The following UBR1 variants were observed in gnomAD, a reference collection of about 807,000 sequenced individuals.
UBR1 encodes the protein E3 ubiquitin-protein ligase UBR1.
In UBR1, 102 loss-of-function variants were observed where a neutral mutation model predicts 242.1. The ratio of observed to expected loss-of-function variants is 0.42; its 90% CI spans 0.36 to 0.50. The LOEUF is 0.50. Among genes scored for constraint, UBR1 ranks in the 20% least tolerant of loss-of-function variants. UBR1 has a pLI of 0.01. For missense variants in UBR1, 1,772 were observed against 2,101.8 expected, an observed-to-expected ratio of 0.84 and a Z score of 3.07; for synonymous variants, 675 against 684.8, an observed-to-expected ratio of 0.99 and a Z score of 0.22.
intron 2 of UBR1, among the ~76,000 whole-genome samples, chr15:43,083,999 A>AGC (rs1334291513): frequency 6.6e-6 from 1 of 152,078 alleles, no homozygotes; most frequent in Non-Finnish European, 1.5e-5. Flanking sequence ...GAGCTGAGAT[A>AGC]GCGCCACTGT....
chr15:43,085,938 A>G lies in UBR1; in HGVS notation c.338+46T>C, dbSNP rs937720479. On this transcript the variant is annotated intron_variant, in intron 2 of 46. Transcript: ENST00000290650. Reference sequence around the variant, plus strand: ...TCTGTTTCAAAAAAAAAAAAAAAAAAGGATTTTAATAATTATAATCAATCC... The same window carrying G: ...TCTGTTTCAAAAAAAAAAAAAAAAAGGGATTTTAATAATTATAATCAATCC... 4 of 1,519,106 alleles carry G rather than the reference A, an allele frequency of 2.6e-6. No individual in the cohort carries two copies. The Admixed American group carries it at 5.9e-5, about 22-fold the overall frequency. 94.1% of individuals were successfully genotyped at this position (1,519,106 alleles called of 1,614,324 possible).
chr15:43,062,875 T>C (rs2033705553), intron 6 of UBR1, among the ~76,000 whole-genome samples: 1 of 152,146 alleles, frequency 6.6e-6, no homozygotes, highest in Non-Finnish European at 1.5e-5. Context: ...TCTGATTTCC[T>C]AGGCTTGGGC....
At chr15:43,019,652 G>C (rs1397412765) in intron 27 of UBR1, among the ~76,000 whole-genome samples, 2 of 145,774 alleles carry the variant, frequency 1.4e-5, no homozygotes, top group Admixed American at 7.0e-5. Flanking sequence ...GTGCGATCTC[G>C]GCTCACTGCA....
chr15:43,059,588 CAA>C (rs36021315), intron 8 of UBR1, 112 bp downstream of exon 8: 114,509 of 972,506 alleles, frequency 0.12, no homozygotes, highest in Non-Finnish European at 0.13. Context: ...GTGTATAAAC[CAA>C]AAAAAAAAAA....
intron 30 of UBR1, among the ~76,000 whole-genome samples, chr15:43,006,257 T>C (rs528160217): frequency 2.0e-4 from 31 of 152,310 alleles, no homozygotes; most frequent in African/African-American, 7.2e-4. Flanking sequence ...AACTAACTCA[T>C]AGGGCTGTTG....
intron 3 of UBR1, 54 bp downstream of exon 3, chr15:43,082,584 C>A: frequency 7.1e-7 from 1 of 1,412,562 alleles, no homozygotes. Flanking sequence ...AGAATTTGGA[C>A]TAGATGGCCA....
At chr15:42,970,231 C>T (rs2032181492) in intron 40 of UBR1, among the ~76,000 whole-genome samples, 1 of 152,098 alleles carries the variant, frequency 6.6e-6, no homozygotes, top group Admixed American at 6.5e-5. Flanking sequence ...CTGACAAAAA[C>T]AAGCAATGGG....
intron 37 of UBR1, among the ~76,000 whole-genome samples, chr15:42,981,512 T>C (rs967958931): frequency 2.6e-5 from 4 of 152,080 alleles, no homozygotes; most frequent in African/African-American, 9.7e-5. Context: ...TTTTTTGAGA[T>C]GGAATCTCGC....
chr15:43,047,734 G>C (rs1297896808), intron 13 of UBR1, among the ~76,000 whole-genome samples: 1 of 152,120 alleles, frequency 6.6e-6, no homozygotes, highest in Non-Finnish European at 1.5e-5. Context: ...TTTCCATAAG[G>C]GTGAGGGAGC....
intron 9 of UBR1, 36 bp downstream of exon 9, chr15:43,059,049 C>T: frequency 1.3e-6 from 2 of 1,549,350 alleles, no homozygotes; most frequent in East Asian, 4.5e-5. Context: ...TCTTCCTTTG[C>T]TTCCTGACAA....
chr15:43,006,518 C>A (rs1418488585), intron 30 of UBR1, among the ~76,000 whole-genome samples: 1 of 152,200 alleles, frequency 6.6e-6, no homozygotes, highest in African/African-American at 2.4e-5. Context: ...GATCCACCCA[C>A]ACCGGCTTCC....
rs1347570103 is a variant in UBR1 at position 43,086,195 on chromosome 15, A to C, written c.127T>G (p.Leu43Val). 6.2e-7 allele frequency: 1 copy of C among 1,614,120 alleles called. No homozygotes were observed. The highest frequency in any genetic ancestry group is 8.5e-7 in the Non-Finnish European group (1 of 1,180,008). The change falls in exon 2 of 47, where the codon TTG becomes GTG. Residue 43 changes from leucine to valine, a missense_variant. Transcript: ENST00000290650. ...VDFYTAFLHH[L>V]AQLVPEIYFA... ...TAAATTTCTGGCACCAATTGTGCCAAATGATGCAAGAAAGCAGTATAAAAA... is the reference window on the plus strand; with the variant it reads ...TAAATTTCTGGCACCAATTGTGCCACATGATGCAAGAAAGCAGTATAAAAA...
Position 42,953,692 on chromosome 15 carries a change from C to T in UBR1, c.4836-1244G>A, listed in dbSNP as rs1453046454. On this transcript the variant is annotated intron_variant, in intron 44 of 46. Coordinates refer to ENST00000290650, the MANE Select transcript of UBR1 (RefSeq NM_174916.3). ...CTAAAGTATATGACTGAGCAGCCAC[C>T]CTCCAACACTAGGGATGGTTCTGTC... 2.0e-5 allele frequency among the ~76,000 whole-genome samples: 3 copies of T among 152,142 alleles called. No homozygotes were observed. In the Middle Eastern group the frequency reaches 0.01, roughly 517 times the overall value.
chr15:43,059,249 A>G, intron 8 of UBR1, 57 bp from the exon 9 acceptor site: 1 of 1,488,810 alleles, frequency 6.7e-7, no homozygotes, highest in East Asian at 2.3e-5. Context: ...CTTTTTAAAT[A>G]GAGATGAGTC....
chr15:42,968,239 T>G (rs1287918477), intron 40 of UBR1, among the ~76,000 whole-genome samples: 1 of 152,178 alleles, frequency 6.6e-6, no homozygotes, highest in Non-Finnish European at 1.5e-5. Context: ...AAAGATGTGT[T>G]GAACTTGTTT....
chr15:43,094,219 C>T (rs1363217711), intron 1 of UBR1, among the ~76,000 whole-genome samples: 1 of 152,070 alleles, frequency 6.6e-6, no homozygotes, highest in African/African-American at 2.4e-5. Flanking sequence ...TACTTGAGGT[C>T]AGGAGTTTGA....
intron 44 of UBR1, among the ~76,000 whole-genome samples, chr15:42,953,064 A>G (rs1243223779): frequency 6.6e-6 from 1 of 151,964 alleles, no homozygotes; most frequent in Non-Finnish European, 1.5e-5. Flanking sequence ...GCTGGGACTG[A>G]AATGAGAGAT....
At chr15:43,069,795 A>G (rs2033801871) in intron 5 of UBR1, among the ~76,000 whole-genome samples, 12 of 152,228 alleles carry the variant, frequency 7.9e-5, no homozygotes, top group Admixed American at 6.5e-4. Flanking sequence ...CACATAAAAA[A>G]TGACACTCAA....
At chr15:43,003,623 A>G (rs1003033827) in intron 31 of UBR1, among the ~76,000 whole-genome samples, 6 of 152,382 alleles carry the variant, frequency 3.9e-5, no homozygotes, top group African/African-American at 1.4e-4. Context: ...GCAAGCACAA[A>G]GGAACAGTGA....
Sources: gnomAD v4.1 joint callset for allele counts (sites outside exome capture counted in the v4.1 genomes callset) on GRCh38, gnomAD v4.1.1 for gene constraint, MANE v1.5 for transcripts, NCBI Gene and HGNC (gene_info 2026-07-23, HGNC 2026-07-21) for gene names.